MLIP: variants seen among roughly 807,000 people sequenced by gnomAD.
MLIP encodes the protein muscular LMNA-interacting protein.
In MLIP, 79 loss-of-function variants were observed where a neutral mutation model predicts 84.8. That is an observed-to-expected ratio of 0.93 (90% CI 0.78 to 1.12). MLIP has a LOEUF of 1.12. MLIP is among the 50% of genes most tolerant of loss of function. The pLI, the probability that MLIP is intolerant of heterozygous loss-of-function variation, is 0.00. For synonymous variants in MLIP, 504 were observed against 463.0 expected, an observed-to-expected ratio of 1.09 and a Z score of -1.14; for missense variants, 1,257 against 1,160.6, an observed-to-expected ratio of 1.08 and a Z score of -1.21.
At chr6:54,080,326 TTA>T (rs1396200453) in intron 1 of MLIP, among the ~76,000 whole-genome samples, 2 of 152,190 alleles carry the variant, frequency 1.3e-5, no homozygotes, top group Non-Finnish European at 2.9e-5. Context: ...AACAAAAAAA[TTA>T]TATGTTTATA....
At position 54,213,727 on chromosome 6, in the gene MLIP, A is replaced by AAAAC. The variant is rs1554185753; in HGVS notation, c.2718+11497_2718+11498insCAAA. ...TGTCTCAAAAAAAAAAAAAAAAAAA[A>AAAAC]AAAAAAAAACAACAAACAGCATATC... On this transcript the variant is annotated intron_variant, in intron 11 of 13. Transcript: ENST00000502396. Among the ~76,000 whole-genome samples, 6 of 9,966 alleles carry AAAAC rather than the reference A, an allele frequency of 6.0e-4. 1 individual carries two copies. The highest frequency in any genetic ancestry group is 0.013 in the East Asian group (2 of 158). 6.5% of individuals were successfully genotyped at this position (9,966 alleles called of 152,430 possible). A position where few individuals can be genotyped will look rare whatever the true frequency, so the allele number is the denominator to read the frequency against.
chr6:54,151,466 G>A (rs1356383955), intron 5 of MLIP, among the ~76,000 whole-genome samples: 1 of 152,064 alleles, frequency 6.6e-6, no homozygotes, highest in African/African-American at 2.4e-5. Flanking sequence ...AATTGAGTGG[G>A]AAAATTAGGA....
chr6:54,122,783 C>T (rs1027173219), intron 2 of MLIP, among the ~76,000 whole-genome samples: 4 of 152,072 alleles, frequency 2.6e-5, no homozygotes, highest in South Asian at 2.1e-4. Context: ...CATAAACCAA[C>T]CTTGGTTGCA....
intron 12 of MLIP, among the ~76,000 whole-genome samples, chr6:54,251,748 G>T (rs1209350290): frequency 4.5e-5 from 4 of 88,064 alleles, no homozygotes; most frequent in South Asian, 3.4e-4. Context: ...ATATATAATA[G>T]CATATAATAT....
intron 1 of MLIP, among the ~76,000 whole-genome samples, chr6:54,113,551 A>G (rs756355717): frequency 1.3e-5 from 2 of 152,178 alleles, no homozygotes; most frequent in Non-Finnish European, 2.9e-5. Context: ...ATAATGACAC[A>G]TATCTTTAAA....
At position 54,223,809 on chromosome 6, in the gene MLIP, A is replaced by G. The variant is rs116378503; in HGVS notation, c.2719-6905A>G. ...AAACTAAGCCTTTTAAAAAGTAAAAAGAAGATCTAACTCGAAAAAATAGAA... is the reference window on the plus strand; with the variant it reads ...AAACTAAGCCTTTTAAAAAGTAAAAGGAAGATCTAACTCGAAAAAATAGAA... On this transcript the variant is annotated intron_variant, in intron 11 of 13. Coordinates refer to ENST00000502396, the MANE Select transcript of MLIP (RefSeq NM_001281747.2). 8.2e-3 allele frequency among the ~76,000 whole-genome samples: 1,245 copies of G among 152,232 alleles called. 19 individuals are homozygous for G. Among genetic ancestry groups the G allele is most frequent in the African/African-American group, 0.028 (1,166 of 41,572 alleles).
chr6:54,137,008 A>G lies in MLIP; in HGVS notation c.939A>G (p.Ser313=). ...TATCAGGTTCTAATTTACCCAGTTC[A>G]ACTGCAGCAGATCCAAAGCCTGGAC... ...TQLSGSNLPS[S]TAADPKPGLT... is the part of the protein sequence containing the mutation. The change falls in exon 4 of 14, where the codon TCA becomes TCG. Residue 313 remains serine (S), a synonymous_variant. Coordinates refer to ENST00000502396, the MANE Select transcript of MLIP (RefSeq NM_001281747.2). 6.5e-7 allele frequency: 1 copy of G among 1,536,090 alleles called. No individual in the cohort carries two copies. Among genetic ancestry groups the G allele is most frequent in the Non-Finnish European group, 8.7e-7 (1 of 1,146,886 alleles).
chr6:54,203,444 CTA>C (rs1778827278), intron 11 of MLIP, among the ~76,000 whole-genome samples: 1 of 151,616 alleles, frequency 6.6e-6, no homozygotes, highest in South Asian at 2.1e-4. Context: ...AAAATAATAA[CTA>C]ACAATATTCT....
chr6:54,131,221 C>CA (rs1771347563), intron 3 of MLIP, among the ~76,000 whole-genome samples: 1 of 152,148 alleles, frequency 6.6e-6, no homozygotes, highest in Admixed American at 6.5e-5. Context: ...GTTCTTTGCT[C>CA]AGGGTCTCTC....
chr6:54,031,638 G>A (rs1476697176), intron 1 of MLIP: 3 of 152,238 alleles, frequency 2.0e-5, no homozygotes, highest in African/African-American at 7.2e-5. Context: ...GAGAGCTGGT[G>A]GTTTGGCACT....
intron 1 of MLIP, among the ~76,000 whole-genome samples, chr6:54,039,362 A>C (rs1315734979): frequency 1.3e-5 from 2 of 151,926 alleles, no homozygotes; most frequent in Non-Finnish European, 2.9e-5. Context: ...AAGAGGAATA[A>C]GTATGTTGGA....
At chr6:54,097,083 A>T in intron 1 of MLIP, among the ~76,000 whole-genome samples, 1 of 152,156 alleles carries the variant, frequency 6.6e-6, no homozygotes, top group Non-Finnish European at 1.5e-5. Context: ...TTAGAAATTG[A>T]ATTGTTGTTA....
intron 2 of MLIP, among the ~76,000 whole-genome samples, chr6:54,123,490 C>A (rs1171385419): frequency 1.3e-5 from 2 of 152,288 alleles, no homozygotes; most frequent in South Asian, 4.1e-4. Flanking sequence ...TCCTCATTAT[C>A]AGCTGAATAA....
intron 3 of MLIP, among the ~76,000 whole-genome samples, chr6:54,136,075 T>C (rs925572424): frequency 3.9e-5 from 6 of 152,210 alleles, no homozygotes; most frequent in Admixed American, 6.5e-5. Flanking sequence ...TCATGTTAAA[T>C]GTTCATTCTG....
intron 1 of MLIP, chr6:54,045,570 A>T (rs564176786): frequency 6.6e-6 from 1 of 152,158 alleles, no homozygotes; most frequent in South Asian, 2.1e-4. Flanking sequence ...TCTCCTCTTG[A>T]ATCTCATGTT....
intron 12 of MLIP, among the ~76,000 whole-genome samples, chr6:54,246,675 T>G (rs1031071277): frequency 7.9e-5 from 12 of 152,104 alleles, no homozygotes; most frequent in African/African-American, 2.9e-4. Flanking sequence ...TGCTTTTCAG[T>G]TTTTTATTGG....
intron 12 of MLIP, among the ~76,000 whole-genome samples, chr6:54,235,880 A>G (rs1222350290): frequency 6.6e-6 from 1 of 152,104 alleles, no homozygotes; most frequent in Non-Finnish European, 1.5e-5. Flanking sequence ...TTTCTGTTAT[A>G]TAACCATGAG....
chr6:54,212,089 T>G (rs145758734), intron 11 of MLIP, among the ~76,000 whole-genome samples: 1 of 152,218 alleles, frequency 6.6e-6, no homozygotes, highest in Admixed American at 6.5e-5. Context: ...ATGTACATTT[T>G]CAATGATTCC....
intron 4 of MLIP, among the ~76,000 whole-genome samples, chr6:54,146,469 G>A (rs553146820): frequency 6.6e-6 from 1 of 152,196 alleles, no homozygotes; most frequent in Admixed American, 6.5e-5. Flanking sequence ...TAATTATGCA[G>A]AAGAGAGCTC....
Sources: allele counts gnomAD v4.1 joint callset (sites outside exome capture counted in the v4.1 genomes callset), GRCh38; gene constraint gnomAD v4.1.1; transcripts MANE v1.5; gene names NCBI Gene and HGNC (gene_info 2026-07-23, HGNC 2026-07-21).